Variants in ABHD12 observed in about 807,000 individuals in gnomAD.
ABHD12 encodes the protein abhydrolase domain containing 12, lysophospholipase, also known as lysophosphatidylserine lipase ABHD12.
ABHD12 carries 43 observed loss-of-function variants against 58.3 expected under a neutral mutation model. That is an observed-to-expected ratio of 0.74 (90% CI 0.58 to 0.95). The LOEUF is 0.95. Ranked by LOEUF, ABHD12 falls within the 40% of genes least tolerant of loss-of-function variation. The pLI is 0.00. For missense variants in ABHD12, 539 were observed against 537.2 expected (o/e 1.00, Z -0.03); for synonymous variants, 219 against 211.2 (o/e 1.04, Z -0.32).
chr20:25,347,819 A>G (rs1214273273), intron 1 of ABHD12, among the ~76,000 whole-genome samples: 1 of 151,904 alleles, frequency 6.6e-6, no homozygotes, highest in Non-Finnish European at 1.5e-5. Flanking sequence ...CTGTAAGTCT[A>G]TATTATACTT....
chr20:25,301,445 C>CT (rs35080499), intron 12 of ABHD12, among the ~76,000 whole-genome samples: 34,367 of 152,232 alleles, frequency 0.23, 4,410 homozygotes, highest in East Asian at 0.57. Flanking sequence ...ACAAAAAACT[C>CT]TATCACCATT....
intron 1 of ABHD12, chr20:25,368,733 G>A (rs1488042456): frequency 1.7e-5 from 20 of 1,155,108 alleles, no homozygotes; most frequent in Non-Finnish European, 2.2e-5. Context: ...GCTTGCCTTC[G>A]TCAGCAATGT....
intron 1 of ABHD12, among the ~76,000 whole-genome samples, chr20:25,356,582 C>T (rs1173645807): frequency 6.6e-6 from 1 of 152,182 alleles, no homozygotes; most frequent in Non-Finnish European, 1.5e-5. Flanking sequence ...TCCTACTGTC[C>T]AGGGTAACTG....
intron 9 of ABHD12, 81 bp downstream of exon 9, chr20:25,307,885 T>C (rs2088774242): frequency 1.7e-6 from 1 of 606,042 alleles, no homozygotes; most frequent in South Asian, 2.3e-5. Context: ...TTAATAATTA[T>C]TATAATGTAT....
intron 2 of ABHD12, among the ~76,000 whole-genome samples, chr20:25,336,318 T>A (rs1012850941): frequency 6.7e-6 from 1 of 148,578 alleles, no homozygotes; most frequent in Middle Eastern, 3.5e-3. Context: ...TTTTTTTTTT[T>A]AGCTAATTCT....
intron 1 of ABHD12, among the ~76,000 whole-genome samples, chr20:25,387,825 G>T (rs1312666326): frequency 6.6e-6 from 1 of 151,594 alleles, no homozygotes; most frequent in Non-Finnish European, 1.5e-5. Flanking sequence ...GGTGGATCAC[G>T]AGGTCACGAG....
intron 1 of ABHD12, among the ~76,000 whole-genome samples, chr20:25,351,500 G>A (rs2089599706): frequency 6.6e-6 from 1 of 152,214 alleles, no homozygotes; most frequent in Non-Finnish European, 1.5e-5. Context: ...ACTTGGCTGT[G>A]TACTGCAGCC....
chr20:25,327,958 T>G (rs2089204166), intron 2 of ABHD12, among the ~76,000 whole-genome samples: 1 of 152,120 alleles, frequency 6.6e-6, no homozygotes. Flanking sequence ...AAGACAGCTT[T>G]GACTCCCTAT....
At chr20:25,329,229 C>A (rs1209752735) in intron 2 of ABHD12, among the ~76,000 whole-genome samples, 2 of 152,250 alleles carry the variant, frequency 1.3e-5, no homozygotes. Flanking sequence ...GTGCTAAGCC[C>A]TGTGGCAGCC....
intron 1 of ABHD12, among the ~76,000 whole-genome samples, chr20:25,389,326 G>A (rs372908153): frequency 2.6e-5 from 4 of 152,142 alleles, no homozygotes; most frequent in African/African-American, 9.6e-5. Flanking sequence ...TCAAACCATC[G>A]ACTTAGAAGT....
chr20:25,308,554 G>A (rs2088790972), intron 7 of ABHD12, 60 bp from the exon 8 acceptor site: 1 of 1,553,706 alleles, frequency 6.4e-7, no homozygotes, highest in Non-Finnish European at 8.7e-7. Context: ...GATGATATGG[G>A]CCTTATGCTG....
At chr20:25,361,682 G>A (rs775662003) in intron 1 of ABHD12, among the ~76,000 whole-genome samples, 7 of 152,188 alleles carry the variant, frequency 4.6e-5, no homozygotes, top group South Asian at 4.1e-4. Context: ...GGGACCGGGC[G>A]TGGTGGCTCA....
chr20:25,356,513 G>A (rs1383570447), intron 1 of ABHD12, among the ~76,000 whole-genome samples: 2 of 152,366 alleles, frequency 1.3e-5, no homozygotes, highest in East Asian at 3.9e-4. Flanking sequence ...CAGCTGGGCA[G>A]GGAGTGTGGC....
intron 1 of ABHD12, among the ~76,000 whole-genome samples, chr20:25,386,622 T>C (rs2090094687): frequency 6.6e-6 from 1 of 151,924 alleles, no homozygotes; most frequent in Admixed American, 6.6e-5. Flanking sequence ...GCTCACGCCT[T>C]ATAATCCCAG....
At chr20:25,313,730 T>C (rs1373291471) in intron 6 of ABHD12, among the ~76,000 whole-genome samples, 1 of 152,092 alleles carries the variant, frequency 6.6e-6, no homozygotes, top group Non-Finnish European at 1.5e-5. Context: ...TGCAGTGAGC[T>C]GAGATCACAT....
At chr20:25,296,232 G>A (rs1026161533), downstream of ABHD12, 31 of 1,058,760 alleles carry the variant, frequency 2.9e-5, no homozygotes, top group South Asian at 7.3e-5. Flanking sequence ...ACAAGTGATT[G>A]TAATGTCCTC....
chr20:25,369,305 C>T (rs1250431910), intron 1 of ABHD12, among the ~76,000 whole-genome samples: 2 of 151,960 alleles, frequency 1.3e-5, no homozygotes, highest in South Asian at 2.1e-4. Flanking sequence ...TGTTTTGTTG[C>T]GGAGTTTTAA....
chr20:25,360,317 T>C (rs1356216721), intron 1 of ABHD12, among the ~76,000 whole-genome samples: 1 of 136,310 alleles, frequency 7.3e-6, no homozygotes, highest in East Asian at 2.5e-4. Context: ...CTCGGCTCAC[T>C]GCAACTTCCG....
At chr20:25,295,530 T>G (rs539335333), downstream of ABHD12, 96 of 1,509,728 alleles carry the variant, frequency 6.4e-5, 2 homozygotes, top group East Asian at 1.8e-3. Context: ...CCTCCTGCCC[T>G]GGGACTCTCC....
Sources: gnomAD v4.1 joint callset for allele counts (sites outside exome capture counted in the v4.1 genomes callset) on GRCh38, gnomAD v4.1.1 for gene constraint, MANE v1.5 for transcripts, NCBI Gene and HGNC (gene_info 2026-07-23, HGNC 2026-07-21) for gene names.